SERPINB11: variants seen among roughly 807,000 people sequenced by gnomAD.
SERPINB11 encodes serpin B11.
SERPINB11 carries 32 observed loss-of-function variants against 36.7 expected under a neutral mutation model. The observed-to-expected ratio is 0.87, with a 90% CI of 0.66 to 1.17. SERPINB11 has a LOEUF of 1.17. Among genes scored for constraint, SERPINB11 ranks in the 50% most tolerant of loss-of-function variants. The probability of loss-of-function intolerance (pLI) is 0.00; values close to 1 mark genes in which losing one functional copy is unlikely to be tolerated. For synonymous variants in SERPINB11, 174 were observed against 168.1 expected (o/e 1.04, Z -0.27); for missense variants, 528 against 458.4 (o/e 1.15, Z -1.39).
At chr18:63,721,851 G>T (rs1239517560) in intron 7 of SERPINB11, among the ~76,000 whole-genome samples, 1 of 152,210 alleles carries the variant, frequency 6.6e-6, no homozygotes, top group African/African-American at 2.4e-5. Flanking sequence ...GCCATAACAG[G>T]TATGCTTACG....
intron 7 of SERPINB11, among the ~76,000 whole-genome samples, chr18:63,721,322 T>C (rs1159637369): frequency 6.6e-6 from 1 of 150,900 alleles, no homozygotes; most frequent in East Asian, 2.0e-4. Context: ...GGGCTCCTAG[T>C]GTGCAGAAAT....
At position 63,723,415 on chromosome 18, in the gene SERPINB11, C is replaced by T. The variant is rs953696; in HGVS notation, c.*16C>T. 1,142,369 of 1,577,738 alleles carry T rather than the reference C, an allele frequency of 0.72. 415,306 individuals are homozygous for T. Among genetic ancestry groups the T allele is most frequent in the East Asian group, 0.85 (37,939 of 44,508 alleles). ...CTCTCCCTAATCAGATGGGGTTGAG[C>T]AAGGCTCAGAGTTGCAGATGAGGTG... On this transcript the variant is annotated 3_prime_UTR_variant, in exon 8 of 8. Coordinates refer to ENST00000544088, the MANE Select transcript of SERPINB11 (RefSeq NM_001370475.1).
At chr18:63,715,561 A>G (rs1914646165) in intron 4 of SERPINB11, among the ~76,000 whole-genome samples, 1 of 152,182 alleles carries the variant, frequency 6.6e-6, no homozygotes, top group South Asian at 2.1e-4. Flanking sequence ...TTTATTATTA[A>G]TTATATTTAT....
upstream of SERPINB11, among the ~76,000 whole-genome samples, chr18:63,702,530 G>A (rs540061895): frequency 6.6e-6 from 1 of 152,168 alleles, no homozygotes; most frequent in Non-Finnish European, 1.5e-5. Context: ...GGCAGAGGTT[G>A]CAGTGAGCTG....
At chr18:63,720,764 G>T in intron 6 of SERPINB11, 67 bp from the exon 7 acceptor site, 1 of 1,176,432 alleles carries the variant, frequency 8.5e-7, no homozygotes, top group Non-Finnish European at 1.2e-6. Context: ...TGTTATGCAA[G>T]GTAATCAGTA....
chr18:63,714,168 C>A (rs370542276), intron 4 of SERPINB11, among the ~76,000 whole-genome samples: 22 of 152,256 alleles, frequency 1.4e-4, no homozygotes, highest in African/African-American at 4.8e-4. Flanking sequence ...AGAGACATCA[C>A]ATGTCGGCAG....
Position 63,718,140 on chromosome 18 carries a change from TTC to T in SERPINB11, c.476-1869_476-1868del, listed in dbSNP as rs545518323. ...TGTGAATCTGCTCCTAGGTTTTCCA[TTC>T]TCTTTCATTCGTCAATTTGTTTATT... On this transcript the variant is annotated intron_variant, in intron 5 of 7. Transcript: ENST00000544088. Among the ~76,000 whole-genome samples the T allele has an allele frequency of 1.3e-4, 20 of 152,130 alleles. No homozygotes were observed. In the East Asian group the frequency reaches 3.9e-3, roughly 29 times the overall value.
chr18:63,704,560 T>C (rs1277819314), intron 1 of SERPINB11, among the ~76,000 whole-genome samples: 2 of 152,228 alleles, frequency 1.3e-5, no homozygotes, highest in African/African-American at 4.8e-5. Context: ...TATTATTGAT[T>C]AGAATTTGAA....
At chr18:63,719,595 T>C (rs1399651787) in intron 5 of SERPINB11, among the ~76,000 whole-genome samples, 2 of 152,208 alleles carry the variant, frequency 1.3e-5, no homozygotes, top group Admixed American at 6.5e-5. Context: ...TTCTAGTGCA[T>C]TGAAAGAATA....
Position 63,711,921 on chromosome 18 carries a change from A to G in SERPINB11, c.228+527A>G, listed in dbSNP as rs550565523. 4.1e-4 allele frequency among the ~76,000 whole-genome samples: 63 copies of G among 152,318 alleles called. 2 individuals carry two copies. The South Asian group carries it at 0.012, about 30-fold the overall frequency. ...TGGTTGAGAAAATACATAAATGCATATAGACTCACAGAATACCAGCTTCAC... is the reference window on the plus strand; with the variant it reads ...TGGTTGAGAAAATACATAAATGCATGTAGACTCACAGAATACCAGCTTCAC... On this transcript the variant is annotated intron_variant, in intron 3 of 7. Transcript: ENST00000544088.
intron 1 of SERPINB11, chr18:63,705,925 G>A (rs752710957): frequency 1.3e-5 from 2 of 152,176 alleles, no homozygotes; most frequent in African/African-American, 2.4e-5. Flanking sequence ...ACAAAGGGCT[G>A]TCAAAGACAC....
chr18:63,703,085 G>A (rs1214885432), intron 1 of SERPINB11, 79 bp downstream of exon 1: 1 of 152,148 alleles, frequency 6.6e-6, no homozygotes, highest in Non-Finnish European at 1.5e-5. Flanking sequence ...GTAAACTGTG[G>A]CATTTGGACA....
At chr18:63,718,548 C>G (rs1482704781) in intron 5 of SERPINB11, among the ~76,000 whole-genome samples, 1 of 151,840 alleles carries the variant, frequency 6.6e-6, no homozygotes, top group Non-Finnish European at 1.5e-5. Context: ...TGAATTTTAG[C>G]TGGTATCTAT....
chr18:63,711,794 G>T (rs35704443), intron 3 of SERPINB11, among the ~76,000 whole-genome samples: 1 of 152,082 alleles, frequency 6.6e-6, no homozygotes, highest in African/African-American at 2.4e-5. Context: ...CAATCCACAT[G>T]CTCTGGGACT....
intron 1 of SERPINB11, among the ~76,000 whole-genome samples, chr18:63,708,322 T>C (rs1914425252): frequency 6.6e-6 from 1 of 152,144 alleles, no homozygotes; most frequent in African/African-American, 2.4e-5. Context: ...ATCAAAGATA[T>C]TATGGAGGAG....
At position 63,716,376 on chromosome 18, in the gene SERPINB11, C is replaced by T. The variant is rs1914668454; in HGVS notation, c.475+224C>T. Among the ~76,000 whole-genome samples the T allele has an allele frequency of 2.6e-5, 4 of 152,248 alleles. No homozygotes were observed. In the South Asian group the frequency reaches 8.3e-4, roughly 32 times the overall value. On this transcript the variant is annotated intron_variant, in intron 5 of 7. Coordinates refer to ENST00000544088, the MANE Select transcript of SERPINB11 (RefSeq NM_001370475.1). ...CCATTTCTGTTTCATAAATGTGTGGCACATTCTGCAATTAAAATTAATTAA... is the reference window on the plus strand; with the variant it reads ...CCATTTCTGTTTCATAAATGTGTGGTACATTCTGCAATTAAAATTAATTAA...
intron 3 of SERPINB11, among the ~76,000 whole-genome samples, 193 bp from the exon 4 acceptor site, chr18:63,712,372 G>A (rs2144538006): frequency 6.6e-6 from 1 of 152,296 alleles, no homozygotes; most frequent in East Asian, 1.9e-4. Context: ...CACACAGACT[G>A]CAACTAAAGT....
chr18:63,704,457 G>A (rs949032435), intron 1 of SERPINB11, among the ~76,000 whole-genome samples: 19 of 152,138 alleles, frequency 1.2e-4, no homozygotes, highest in African/African-American at 4.3e-4. Flanking sequence ...GTGCACTTTG[G>A]CACTACATTA....
intron 1 of SERPINB11, among the ~76,000 whole-genome samples, chr18:63,703,998 A>G (rs1219232047): frequency 6.6e-6 from 1 of 152,160 alleles, no homozygotes; most frequent in African/African-American, 2.4e-5. Flanking sequence ...CACAGCCAAC[A>G]TTCCCTTACC....
Sources: allele counts gnomAD v4.1 joint callset (sites outside exome capture counted in the v4.1 genomes callset), GRCh38; gene constraint gnomAD v4.1.1; transcripts MANE v1.5; gene names NCBI Gene and HGNC (gene_info 2026-07-23, HGNC 2026-07-21).